The following ALDH5A1 variants were observed in gnomAD, a reference collection of about 807,000 sequenced individuals.
ALDH5A1 encodes succinate-semialdehyde dehydrogenase, mitochondrial.
In ALDH5A1, 33 loss-of-function variants were observed where a neutral mutation model predicts 54.7. That is an observed-to-expected ratio of 0.60 (90% CI 0.46 to 0.81). ALDH5A1 has a LOEUF of 0.81. Ranked by LOEUF, ALDH5A1 falls within the 30% of genes least tolerant of loss-of-function variation. The pLI, the probability that ALDH5A1 is intolerant of heterozygous loss-of-function variation, is 0.00. For synonymous variants in ALDH5A1, 294 were observed against 292.7 expected (o/e 1.00, Z -0.05); for missense variants, 657 against 711.0 (o/e 0.92, Z 0.86).
intron 4 of ALDH5A1, among the ~76,000 whole-genome samples, chr6:24,514,263 C>T (rs1274264494): frequency 1.3e-5 from 2 of 152,202 alleles, no homozygotes; most frequent in African/African-American, 2.4e-5. Context: ...TATGGAAAGG[C>T]TTTGCACTGC....
At chr6:24,532,964 G>C (rs770049145) in intron 9 of ALDH5A1, among the ~76,000 whole-genome samples, 3 of 152,162 alleles carry the variant, frequency 2.0e-5, no homozygotes, top group Non-Finnish European at 2.9e-5. Flanking sequence ...GGTCATAAAT[G>C]ATGGGCAGAA....
intron 8 of ALDH5A1, among the ~76,000 whole-genome samples, chr6:24,529,188 A>G (rs1332291570): frequency 2.0e-5 from 3 of 151,234 alleles, no homozygotes; most frequent in Non-Finnish European, 2.9e-5. Flanking sequence ...TTGTTTTGAT[A>G]TGGAGTCTAA....
At chr6:24,523,230 G>A (rs1171590322) in intron 7 of ALDH5A1, among the ~76,000 whole-genome samples, 2 of 149,624 alleles carry the variant, frequency 1.3e-5, no homozygotes, top group African/African-American at 4.9e-5. Context: ...TTAGAGTATA[G>A]AGTATGAGAG....
Position 24,522,933 on chromosome 6 carries a change from T to TATTGTATC in ALDH5A1, c.1173+15_1173+16insCATTGTAT. On this transcript the variant is annotated intron_variant, in intron 7 of 9. Coordinates refer to ENST00000357578, the MANE Select transcript of ALDH5A1 (RefSeq NM_001080.3). Reference sequence around the variant, plus strand: ...GAAAAAGCGGTAGAAAAGGTAAGTATATTGTATTATTTGTGAAAGTAAATT... The same window carrying TATTGTATC: ...GAAAAAGCGGTAGAAAAGGTAAGTATATTGTATCATTGTATTATTTGTGAAAGTAAATT... The TATTGTATC allele has an allele frequency of 6.2e-7, 1 of 1,612,916 alleles. No individual in the cohort carries two copies. The highest frequency in any genetic ancestry group is 1.1e-5 in the South Asian group (1 of 91,004).
In ALDH5A1 at chr6:24,533,715, T is replaced by G. The variant is rs770276996; in HGVS notation, c.*3T>G. On this transcript the variant is annotated 3_prime_UTR_variant, in exon 10 of 10. Coordinates refer to ENST00000357578, the MANE Select transcript of ALDH5A1 (RefSeq NM_001080.3). ...ATGTGTGTTACGGGGGCTTGTAGGA[T>G]TCTTTGGTTCTTTAAAAAAATTTAA... 142 of 1,613,446 alleles carry G rather than the reference T, an allele frequency of 8.8e-5. No individual in the cohort carries two copies. Among genetic ancestry groups the G allele is most frequent in the Non-Finnish European group, 1.2e-4 (139 of 1,179,770 alleles).
chr6:24,513,594 A>G (rs531387776), intron 4 of ALDH5A1, among the ~76,000 whole-genome samples: 13 of 148,696 alleles, frequency 8.7e-5, no homozygotes, highest in African/African-American at 3.2e-4. Flanking sequence ...GGGCCTCCTC[A>G]TCTTTCATCA....
Position 24,509,154 on chromosome 6 carries a change from C to T in ALDH5A1, c.726+4169C>T, listed in dbSNP as rs1759415597. On this transcript the variant is annotated intron_variant, in intron 4 of 9. Coordinates refer to ENST00000357578, the MANE Select transcript of ALDH5A1 (RefSeq NM_001080.3). This position sits in a 1 kb window ranked among gnomAD's most constrained non-coding sequence, Gnocchi z 4.7. The stretch of plus-strand genomic sequence containing the variant: ...CAGCTATTTATCTTTGTTTTAGTTG[C>T]ATTTGCTTTTGGGTTCTTGGTCATG... Among the ~76,000 whole-genome samples the T allele has an allele frequency of 6.6e-6, 1 of 152,128 alleles. No homozygotes were observed. The highest frequency in any genetic ancestry group is 2.4e-5 in the African/African-American group (1 of 41,428).
At chr6:24,517,922 C>A (rs1016349055) in intron 5 of ALDH5A1, among the ~76,000 whole-genome samples, 19 of 152,340 alleles carry the variant, frequency 1.2e-4, no homozygotes, top group African/African-American at 4.6e-4. Flanking sequence ...GGGGGGCCAC[C>A]CCTCCCAGGA....
Position 24,495,068 on chromosome 6 carries a change from C to G in ALDH5A1, c.72C>G (p.Leu24=). ...GGTCGACGTTTCCAGGCTGCCGCCTCCGCCCCCGCGCCGGCGGCCTGGTCC... is the reference window on the plus strand; with the variant it reads ...GGTCGACGTTTCCAGGCTGCCGCCTGCGCCCCCGCGCCGGCGGCCTGGTCC... ...RLGSTFPGCR[L]RPRAGGLVPA... The change falls in exon 1 of 10, where the codon CTC becomes CTG. Residue 24 remains leucine (L), a synonymous_variant. Transcript: ENST00000357578. The G allele has an allele frequency of 7.5e-7, 1 of 1,333,962 alleles. No individual in the cohort carries two copies. Among genetic ancestry groups the G allele is most frequent in the East Asian group, 3.0e-5 (1 of 33,392 alleles). 82.6% of individuals were successfully genotyped at this position (1,333,962 alleles called of 1,614,324 possible). A position where few individuals can be genotyped will look rare whatever the true frequency, so the allele number is the denominator to read the frequency against.
intron 1 of ALDH5A1, 111 bp downstream of exon 1, chr6:24,495,461 T>G (rs1176491232): frequency 1.9e-6 from 2 of 1,035,630 alleles, no homozygotes; most frequent in African/African-American, 3.3e-5. Flanking sequence ...CTGTGCTCAG[T>G]TCCCCAGGGT....
intron 7 of ALDH5A1, among the ~76,000 whole-genome samples, chr6:24,526,991 TATA>T (rs1287963993): frequency 1.7e-5 from 1 of 57,420 alleles, no homozygotes; most frequent in African/African-American, 4.9e-5. Flanking sequence ...TATATATATA[TATA>T]TATATATATA....
chr6:24,502,326 A>G (rs553683133), intron 1 of ALDH5A1, among the ~76,000 whole-genome samples, 197 bp from the exon 2 acceptor site: 6 of 152,150 alleles, frequency 3.9e-5, no homozygotes, highest in Non-Finnish European at 7.3e-5. Flanking sequence ...CTCTTCCGAA[A>G]ACACTCACGG....
chr6:24,520,182 G>A (rs1258030588), intron 5 of ALDH5A1, among the ~76,000 whole-genome samples: 1 of 152,072 alleles, frequency 6.6e-6, no homozygotes, highest in African/African-American at 2.4e-5. Context: ...GGGACTACAG[G>A]TGCACACTAC....
chr6:24,506,907 T>C (rs1759369906), intron 4 of ALDH5A1, among the ~76,000 whole-genome samples: 1 of 124,072 alleles, frequency 8.1e-6, no homozygotes, highest in Admixed American at 8.0e-5. Flanking sequence ...GTCCATACTT[T>C]AAAATCCATT....
rs559280728 is a variant in ALDH5A1, at chr6:24,516,665, C to T, written c.870+1355C>T. ...GATAAAATATATAAATCTGCCCAGG[C>T]GTGGTGGCTCACACCTGTAATCCTC... On this transcript the variant is annotated intron_variant, in intron 5 of 9. Coordinates refer to ENST00000357578, the MANE Select transcript of ALDH5A1 (RefSeq NM_001080.3). Among the ~76,000 whole-genome samples the T allele has an allele frequency of 3.9e-5, 6 of 151,926 alleles. No homozygotes were observed. In the South Asian group the frequency reaches 1.2e-3, roughly 32 times the overall value.
Position 24,533,670 on chromosome 6 carries a change from T to C in ALDH5A1, c.1566T>C (p.Asp522=). Residue 522 remains aspartate, a synonymous_variant, in exon 10 of 10, where the codon GAT becomes GAC. Transcript: ENST00000357578. ...LGREGSKYGI[D]EYLELKYVCY... Reference sequence around the variant, plus strand: ...GAGAGGGGTCCAAGTATGGCATTGATGAGTATCTGGAACTCAAGTATGTGT... The same window carrying C: ...GAGAGGGGTCCAAGTATGGCATTGACGAGTATCTGGAACTCAAGTATGTGT... 1 of 1,614,122 alleles carries C rather than the reference T, an allele frequency of 6.2e-7. No individual in the cohort carries two copies. Among genetic ancestry groups the C allele is most frequent in the Non-Finnish European group, 8.5e-7 (1 of 1,180,004 alleles).
chr6:24,533,459 T>C (rs1333011153), intron 9 of ALDH5A1, 48 bp from the exon 10 acceptor site: 1 of 1,598,702 alleles, frequency 6.3e-7, no homozygotes, highest in Admixed American at 1.7e-5. Context: ...GCATGATGTC[T>C]TTAATGACTC....
At chr6:24,516,305 G>A (rs1442300919) in intron 5 of ALDH5A1, among the ~76,000 whole-genome samples, 14 of 150,784 alleles carry the variant, frequency 9.3e-5, no homozygotes, top group Non-Finnish European at 1.5e-4. Flanking sequence ...GCGTGGTGGC[G>A]GGCGCCTGTA....
At chr6:24,506,440 A>C (rs1164104049) in intron 4 of ALDH5A1, among the ~76,000 whole-genome samples, 2 of 151,122 alleles carry the variant, frequency 1.3e-5, no homozygotes, top group Non-Finnish European at 3.0e-5. Context: ...TTTTGGAGAG[A>C]CTGGGTTTCA....
Sources: gnomAD v4.1 joint callset for allele counts (sites outside exome capture counted in the v4.1 genomes callset) on GRCh38, gnomAD v4.1.1 for gene constraint, Gnocchi (gnomAD v3.1) non-coding constraint, MANE v1.5 for transcripts, NCBI Gene and HGNC (gene_info 2026-07-23, HGNC 2026-07-21) for gene names.